The following SLC45A3 variants were observed in gnomAD, a reference collection of about 807,000 sequenced individuals.
The protein encoded by SLC45A3 is prostate cancer associated protein 2.
A neutral mutation model predicts 35.3 loss-of-function variants in SLC45A3; 17 were observed. The ratio of observed to expected loss-of-function variants is 0.48; its 90% CI spans 0.33 to 0.72. The LOEUF (loss-of-function observed/expected upper bound fraction) is 0.72. SLC45A3 is among the 30% of genes least tolerant of loss of function. SLC45A3 has a pLI of 0.02. For missense variants in SLC45A3, 597 were observed against 731.7 expected (o/e 0.82, Z 2.12); for synonymous variants, 288 against 334.3 (o/e 0.86, Z 1.51).
At chr1:205,679,494 C>T (rs1671365143) in intron 1 of SLC45A3, among the ~76,000 whole-genome samples, 1 of 152,124 alleles carries the variant, frequency 6.6e-6, no homozygotes, top group Non-Finnish European at 1.5e-5. Context: ...GTCCCTGGGG[C>T]TTTTCTAGCA....
In SLC45A3 at chr1:205,659,158, G is replaced by GC; in HGVS notation, c.*75dup. On this transcript the variant is annotated 3_prime_UTR_variant, in exon 5 of 5. Coordinates refer to ENST00000367145, the MANE Select transcript of SLC45A3 (RefSeq NM_033102.3). This position sits in a 1 kb window ranked among gnomAD's most constrained non-coding sequence, Gnocchi z 5.8. ...ACAGAAACTGGCGGCCAGCCCGGCA[G>GC]CCCCATGGGGCTAACAGGAGCGGGG... is the stretch of plus-strand genomic sequence containing the variant. 7 of 1,462,302 alleles carry GC rather than the reference G, an allele frequency of 4.8e-6. No individual in the cohort carries two copies. The highest frequency in any genetic ancestry group is 6.5e-6 in the Non-Finnish European group (7 of 1,080,674). The allele number at this position is 1,462,302 out of a possible 1,614,324, so 90.6% of individuals were successfully genotyped here.
chr1:205,674,768 G>A (rs995168847), intron 1 of SLC45A3, among the ~76,000 whole-genome samples: 10 of 151,724 alleles, frequency 6.6e-5, no homozygotes, highest in African/African-American at 1.7e-4. Flanking sequence ...CCAGGCTGGT[G>A]TGCAGTGCAC....
chr1:205,670,855 A>C (rs1003050177), intron 1 of SLC45A3, among the ~76,000 whole-genome samples: 2 of 152,160 alleles, frequency 1.3e-5, no homozygotes, highest in Non-Finnish European at 2.9e-5. Context: ...CGGGCAGCAA[A>C]GAGAATCCCA....
intron 4 of SLC45A3, among the ~76,000 whole-genome samples, chr1:205,660,305 C>G (rs1486096680): frequency 6.6e-6 from 1 of 152,096 alleles, no homozygotes; most frequent in African/African-American, 2.4e-5. Context: ...CCCAGCTGTG[C>G]TAATGTTGAA....
rs1571528800 is a variant in SLC45A3 at position 205,659,363 on chromosome 1, G to C, written c.1533C>G (p.Gly511=). 2 of 1,614,222 alleles carry C rather than the reference G, an allele frequency of 1.2e-6. No homozygotes were observed. The highest frequency in any genetic ancestry group is 2.7e-5 in the African/African-American group (2 of 75,044). The part of the protein sequence containing the change: ...LSQVAPSLFM[G]SIVQLSQSVT... ...CAGACTGGCTGAGCTGGACAATGGAGCCCATAAACAGGGATGGGGCCACCT... is the reference window on the plus strand; with the variant it reads ...CAGACTGGCTGAGCTGGACAATGGACCCCATAAACAGGGATGGGGCCACCT... Residue 511 remains glycine, a synonymous_variant, in exon 5 of 5, where the codon GGC becomes GGG. Transcript: ENST00000367145. The surrounding 1 kb of genome is among the most constrained non-coding windows in gnomAD (Gnocchi z 5.8).
chr1:205,667,043 T>C (rs777451098), intron 1 of SLC45A3, among the ~76,000 whole-genome samples: 5 of 152,100 alleles, frequency 3.3e-5, no homozygotes, highest in Non-Finnish European at 7.4e-5. Context: ...CCTGCACCCA[T>C]TCTCTAAGTC....
intron 1 of SLC45A3, among the ~76,000 whole-genome samples, chr1:205,671,958 C>T (rs1671224359): frequency 6.6e-6 from 1 of 152,210 alleles, no homozygotes; most frequent in South Asian, 2.1e-4. Context: ...ACTAGGCACT[C>T]TGCCGTGCGT....
chr1:205,665,996 A>G (rs1671112105), intron 1 of SLC45A3, among the ~76,000 whole-genome samples: 1 of 152,150 alleles, frequency 6.6e-6, no homozygotes, highest in South Asian at 2.1e-4. Context: ...AGCCTGGCCA[A>G]CATGGTGAAA....
At chr1:205,680,168 CCCGTGCAGGCGCCGGGCA>C (rs1373619631) in intron 1 of SLC45A3, among the ~76,000 whole-genome samples, 3 of 151,650 alleles carry the variant, frequency 2.0e-5, no homozygotes, top group Admixed American at 6.6e-5. Context: ...TCAGCGGGGA[CCCGTGCAGGCGCCGGGCA>C]CTCGGCACCC....
At position 205,664,333 on chromosome 1, in the gene SLC45A3, C is replaced by A; in HGVS notation, c.172+152G>T. On this transcript the variant is annotated intron_variant, in intron 2 of 4. Coordinates refer to ENST00000367145, the MANE Select transcript of SLC45A3 (RefSeq NM_033102.3). This position sits in a 1 kb window ranked among gnomAD's most constrained non-coding sequence, Gnocchi z 5.3. ...GTATTCTCTTCTTTCTCTTGGTGTGCCCCCTCAGCCCAGGGTCACCCTCCT... is the reference window on the plus strand; with the variant it reads ...GTATTCTCTTCTTTCTCTTGGTGTGACCCCTCAGCCCAGGGTCACCCTCCT... 1 of 946,186 alleles carries A rather than the reference C, an allele frequency of 1.1e-6. No individual in the cohort carries two copies. The highest frequency in any genetic ancestry group is 1.6e-6 in the Non-Finnish European group (1 of 618,742). 58.6% of individuals were successfully genotyped at this position (946,186 alleles called of 1,614,324 possible). A position where few individuals can be genotyped will look rare whatever the true frequency, so the allele number is the denominator to read the frequency against.
At chr1:205,673,262 T>C (rs4951254) in intron 1 of SLC45A3, among the ~76,000 whole-genome samples, 107,258 of 152,060 alleles carry the variant, frequency 0.71, 39,644 homozygotes, top group Non-Finnish European at 0.83. Context: ...CCCTACAAGG[T>C]GGGGCAGCAG....
chr1:205,670,109 C>G lies in SLC45A3; in HGVS notation c.-230-5223G>C, dbSNP rs112243591. ...CACACTGACTGCACTCCCCACGAGC[C>G]CCACCCTCACGGCAGCTCCACGGGA... On this transcript the variant is annotated intron_variant, in intron 1 of 4. Coordinates refer to ENST00000367145, the MANE Select transcript of SLC45A3 (RefSeq NM_033102.3). 2.8e-3 allele frequency among the ~76,000 whole-genome samples: 420 copies of G among 152,282 alleles called. 1 individual carries two copies. The highest frequency in any genetic ancestry group is 9.7e-3 in the African/African-American group (403 of 41,560).
chr1:205,677,036 C>T (rs1035575791), intron 1 of SLC45A3, among the ~76,000 whole-genome samples: 8 of 152,232 alleles, frequency 5.3e-5, no homozygotes, highest in African/African-American at 1.7e-4. Context: ...AGAATCCCAA[C>T]TTCAGGGCAC....
rs147838006 is a variant in SLC45A3, at chr1:205,659,551, C to T, written c.1345G>A (p.Gly449Arg). 6.2e-7 allele frequency: 1 copy of T among 1,605,156 alleles called. No individual in the cohort carries two copies. Among genetic ancestry groups the T allele is most frequent in the South Asian group, 1.1e-5 (1 of 89,350 alleles). ...APFPNGHVGA[G>R]GSGLLPPPPA... ...GGAGGTGGGAGCAGGCCACTGCCTC[C>T]AGCACCCACGTGTCCATTAGGGAAG... The change falls in exon 5 of 5, where the codon GGA (glycine) becomes AGA (arginine). Residue 449 changes from glycine (G) to arginine (R), a missense_variant. This residue lies in a region of SLC45A3 where 555 missense variants were observed against 664.9 expected (regional missense o/e 0.83). Transcript: ENST00000367145. The surrounding 1 kb of genome is among the most constrained non-coding windows in gnomAD (Gnocchi z 5.8).
At chr1:205,660,156 A>T (rs1005507485) in intron 4 of SLC45A3, among the ~76,000 whole-genome samples, 1 of 151,940 alleles carries the variant, frequency 6.6e-6, no homozygotes, top group Non-Finnish European at 1.5e-5. Context: ...CCCGGTGCAG[A>T]GAAGCTCTGC....
intron 1 of SLC45A3, among the ~76,000 whole-genome samples, chr1:205,679,102 A>C (rs975031944): frequency 6.6e-6 from 1 of 152,164 alleles, no homozygotes; most frequent in African/African-American, 2.4e-5. Flanking sequence ...CAAAGGTTCC[A>C]GGACCCCAGC....
chr1:205,661,933 G>A lies in SLC45A3; in HGVS notation c.1152C>T (p.Leu384=), dbSNP rs758201803. 1 of 1,614,216 alleles carries A rather than the reference G, an allele frequency of 6.2e-7. No individual in the cohort carries two copies. Among genetic ancestry groups the A allele is most frequent in the Admixed American group, 1.7e-5 (1 of 60,032 alleles). The stretch of plus-strand genomic sequence containing the variant: ...GCAGGGCTGAGAAGGTGAACCCGGT[G>A]AGGGCGGCTGAAGCTGTCACCACGG... ...SVAVVTASAA[L]TGFTFSALQI... Residue 384 remains leucine, a synonymous_variant, in exon 4 of 5, where the codon CTC becomes CTT. Transcript: ENST00000367145.
chr1:205,675,169 T>C (rs184496230), intron 1 of SLC45A3, among the ~76,000 whole-genome samples: 1 of 152,340 alleles, frequency 6.6e-6, no homozygotes, highest in East Asian at 1.9e-4. Flanking sequence ...TTGCCAGATT[T>C]CTTCCTCCCA....
At chr1:205,672,963 G>C (rs1369914366) in intron 1 of SLC45A3, among the ~76,000 whole-genome samples, 2 of 152,146 alleles carry the variant, frequency 1.3e-5, no homozygotes, top group Non-Finnish European at 2.9e-5. Context: ...TGTGAAATAG[G>C]AATATAAAAT....
Sources: gnomAD v4.1 joint callset for allele counts (sites outside exome capture counted in the v4.1 genomes callset) on GRCh38, gnomAD v4.1.1 for gene constraint, gnomAD v4.1.1 regional missense constraint, Gnocchi (gnomAD v3.1) non-coding constraint, MANE v1.5 for transcripts, NCBI Gene and HGNC (gene_info 2026-07-23, HGNC 2026-07-21) for gene names.